The following WWC2 variants were observed in gnomAD, a reference collection of about 807,000 sequenced individuals.
WWC2 encodes protein WWC2.
A neutral mutation model predicts 138.5 loss-of-function variants in WWC2; 101 were observed. The observed-to-expected ratio is 0.73, with a 90% CI of 0.62 to 0.86. The LOEUF (loss-of-function observed/expected upper bound fraction) is 0.86, where lower values mean the gene tolerates loss of function less well. Ranked by LOEUF, WWC2 falls within the 40% of genes least tolerant of loss-of-function variation. The probability of loss-of-function intolerance (pLI) is 0.00; values close to 1 mark genes in which losing one functional copy is unlikely to be tolerated. For synonymous variants in WWC2, 558 were observed against 538.4 expected (o/e 1.04, Z -0.50); for missense variants, 1,420 against 1,419.4 (o/e 1.00, Z -0.01).
intron 1 of WWC2, among the ~76,000 whole-genome samples, chr4:183,119,101 A>G (rs1301065852): frequency 7.9e-5 from 12 of 152,044 alleles, no homozygotes; most frequent in Admixed American, 7.2e-4. Context: ...ATTTTTGATT[A>G]TACTCCTTTG....
rs188215719 is a variant in WWC2 at position 183,257,278 on chromosome 4, G to A, written c.1197-2361G>A. On this transcript the variant is annotated intron_variant, in intron 9 of 22. Transcript: ENST00000403733. ...AAATTTTTTAAAGCAAATAGGTGGG[G>A]GCATGAGTGTCACTTAGTTTTGAGT... Among the ~76,000 whole-genome samples the A allele has an allele frequency of 1.7e-3, 257 of 152,218 alleles. 3 individuals carry two copies. The highest frequency in any genetic ancestry group is 5.9e-3 in the African/African-American group (247 of 41,526).
chr4:183,241,704 A>G (rs1736627287), intron 5 of WWC2, among the ~76,000 whole-genome samples: 1 of 152,130 alleles, frequency 6.6e-6, no homozygotes, highest in Admixed American at 6.5e-5. Context: ...GAGCTCCCCG[A>G]TAAACCAGGC....
intron 1 of WWC2, among the ~76,000 whole-genome samples, chr4:183,132,091 T>C (rs556912096): frequency 6.6e-6 from 1 of 152,344 alleles, no homozygotes; most frequent in South Asian, 2.1e-4. Flanking sequence ...AATATTATAG[T>C]TTTATAATAT....
intron 11 of WWC2, among the ~76,000 whole-genome samples, chr4:183,262,723 C>G (rs2111361334): frequency 1.3e-5 from 2 of 152,300 alleles, no homozygotes; most frequent in South Asian, 4.1e-4. Flanking sequence ...CCCAACAAAA[C>G]AGAAAGCCGC....
chr4:183,174,820 T>A (rs1405815455), intron 1 of WWC2, among the ~76,000 whole-genome samples: 1 of 152,090 alleles, frequency 6.6e-6, no homozygotes, highest in East Asian at 1.9e-4. Flanking sequence ...TGTCTCTCTC[T>A]CTTTTGCGCT....
chr4:183,230,942 TC>T (rs1736227157), intron 4 of WWC2, among the ~76,000 whole-genome samples: 1 of 152,096 alleles, frequency 6.6e-6, no homozygotes, highest in Admixed American at 6.6e-5. Flanking sequence ...CAAAACTGAT[TC>T]GAGATGATAG....
At chr4:183,197,880 G>A (rs4862151) in intron 2 of WWC2, among the ~76,000 whole-genome samples, 148,304 of 152,266 alleles carry the variant, frequency 0.97, 72,350 homozygotes, top group East Asian at 1. Flanking sequence ...CCGTCACCCT[G>A]GTAAGTTCTG....
intron 1 of WWC2, among the ~76,000 whole-genome samples, chr4:183,145,660 C>T (rs1733432483): frequency 6.6e-6 from 1 of 152,176 alleles, no homozygotes; most frequent in Non-Finnish European, 1.5e-5. Flanking sequence ...ACTGTTTTCC[C>T]CTTCCAAAAC....
At chr4:183,167,154 T>C (rs1734151976) in intron 1 of WWC2, among the ~76,000 whole-genome samples, 1 of 152,184 alleles carries the variant, frequency 6.6e-6, no homozygotes, top group Non-Finnish European at 1.5e-5. Flanking sequence ...GGTTCTTCTC[T>C]GTGTGAACTC....
chr4:183,261,315 G>A lies in WWC2; in HGVS notation c.1692G>A (p.Leu564=), dbSNP rs187250385. 6.2e-7 allele frequency: 1 copy of A among 1,613,534 alleles called. No homozygotes were observed. The highest frequency in any genetic ancestry group is 1.7e-5 in the Admixed American group (1 of 59,978). Residue 564 remains leucine, a synonymous_variant, in exon 11 of 23, where the codon TTG becomes TTA. Transcript: ENST00000403733. ...SLSPPGSPLV[L]EGTFPMSSSH... ...CTCCTCCAGGCTCTCCCTTGGTTTT[G>A]GAAGGCACGTTTCCCATGTCTTCTT...
intron 1 of WWC2, among the ~76,000 whole-genome samples, chr4:183,138,703 T>A (rs1030603821): frequency 7.9e-5 from 12 of 152,192 alleles, no homozygotes; most frequent in African/African-American, 2.2e-4. Flanking sequence ...CCCCATTTCC[T>A]TTTCTGGCTA....
At chr4:183,227,187 A>G (rs868183753) in intron 4 of WWC2, among the ~76,000 whole-genome samples, 1 of 152,070 alleles carries the variant, frequency 6.6e-6, no homozygotes, top group African/African-American at 2.4e-5. Context: ...CTAGGTAGAT[A>G]AAGGAGGAAA....
At chr4:183,306,244 A>C (rs1739020044) in intron 21 of WWC2, among the ~76,000 whole-genome samples, 2 of 152,266 alleles carry the variant, frequency 1.3e-5, no homozygotes, top group South Asian at 4.1e-4. Flanking sequence ...GGCAGCAAAT[A>C]GAAAACAGTA....
rs188792538 is a variant in WWC2 at position 183,114,819 on chromosome 4, T to A, written c.131+15197T>A. ...TAGTACCCCGTAGGTTGTTTGTTTG[T>A]TTGTTTTTGTTTATTTATTTTTGAG... On this transcript the variant is annotated intron_variant, in intron 1 of 22. Transcript: ENST00000403733. Among the ~76,000 whole-genome samples the A allele has an allele frequency of 5.3e-5, 8 of 152,176 alleles. No homozygotes were observed. In the East Asian group the frequency reaches 1.5e-3, roughly 29 times the overall value.
At chr4:183,177,543 A>C (rs1365362563) in intron 1 of WWC2, among the ~76,000 whole-genome samples, 1 of 152,204 alleles carries the variant, frequency 6.6e-6, no homozygotes, top group Non-Finnish European at 1.5e-5. Flanking sequence ...TTCAAGAATA[A>C]ATAAGGCTGT....
chr4:183,250,086 C>A, intron 8 of WWC2, 93 bp downstream of exon 8: 2 of 1,153,736 alleles, frequency 1.7e-6, no homozygotes, highest in Non-Finnish European at 1.3e-6. Flanking sequence ...TGGGCACTCC[C>A]CATACATTCT....
In WWC2 at chr4:183,253,700, T is replaced by G. The variant is rs1213300018; in HGVS notation, c.954-57T>G. On this transcript the variant is annotated intron_variant, in intron 8 of 22. Coordinates refer to ENST00000403733, the MANE Select transcript of WWC2 (RefSeq NM_024949.6). Reference sequence around the variant, plus strand: ...ACACCAAATTTGGCTTAGGCTGTGTTTACCTTTCTCAGGAGTTTTAAGTAT... The same window carrying G: ...ACACCAAATTTGGCTTAGGCTGTGTGTACCTTTCTCAGGAGTTTTAAGTAT... 5 of 1,573,804 alleles carry G rather than the reference T, an allele frequency of 3.2e-6. No individual in the cohort carries two copies. In the East Asian group the frequency reaches 1.1e-4, roughly 35 times the overall value.
intron 4 of WWC2, among the ~76,000 whole-genome samples, chr4:183,234,605 GTTCTAGATAGAC>G (rs1736358135): frequency 6.6e-6 from 1 of 152,020 alleles, no homozygotes; most frequent in Admixed American, 6.6e-5. Context: ...GTTCTCCTGG[GTTCTAGATAGAC>G]TGTGATAGCA....
intron 1 of WWC2, among the ~76,000 whole-genome samples, chr4:183,191,991 T>C (rs1031110222): frequency 3.3e-5 from 5 of 152,210 alleles, no homozygotes; most frequent in African/African-American, 1.2e-4. Flanking sequence ...TCCCAAAGTG[T>C]TGGAATTACA....
Sources: allele counts gnomAD v4.1 joint callset (sites outside exome capture counted in the v4.1 genomes callset), GRCh38; gene constraint gnomAD v4.1.1; transcripts MANE v1.5; gene names NCBI Gene and HGNC (gene_info 2026-07-23, HGNC 2026-07-21).